Variants in LARP1B observed in about 807,000 individuals in gnomAD.
LARP1B encodes La ribonucleoprotein 1B.
LARP1B carries 76 observed loss-of-function variants against 114.2 expected under a neutral mutation model. The observed-to-expected ratio is 0.67, with a 90% confidence interval of 0.55 to 0.81. The LOEUF (loss-of-function observed/expected upper bound fraction) is 0.81. Ranked by LOEUF, LARP1B falls within the 30% of genes least tolerant of loss-of-function variation. The pLI, the probability that LARP1B is intolerant of heterozygous loss-of-function variation, is 0.00. For synonymous variants in LARP1B, 345 were observed against 348.0 expected, an observed-to-expected ratio of 0.99 and a Z score of 0.10; for missense variants, 1,014 against 1,075.8, an observed-to-expected ratio of 0.94 and a Z score of 0.80.
At chr4:128,130,195 T>C (rs995626402) in intron 11 of LARP1B, among the ~76,000 whole-genome samples, 1 of 151,958 alleles carries the variant, frequency 6.6e-6, no homozygotes, top group African/African-American at 2.4e-5. Context: ...TACGAAAAAT[T>C]TTTTTAAAAA....
At chr4:128,067,316 A>G (rs557185445) in intron 1 of LARP1B, among the ~76,000 whole-genome samples, 6 of 152,332 alleles carry the variant, frequency 3.9e-5, no homozygotes, top group South Asian at 4.1e-4. Context: ...AATCAGGTCT[A>G]TCCTGCTCAA....
At chr4:128,222,504 A>G (rs1760099745) in exon 8 of LARP1B, 1 of 376,680 alleles carries the variant, frequency 2.7e-6, no homozygotes, top group African/African-American at 2.1e-5. Context: ...CTTGCATCTT[A>G]CAAACCATAT....
At chr4:128,202,143 A>G (rs1756163207) in intron 17 of LARP1B, among the ~76,000 whole-genome samples, 1 of 152,162 alleles carries the variant, frequency 6.6e-6, no homozygotes, top group Non-Finnish European at 1.5e-5. Context: ...TCTCTAATCA[A>G]TCCCAGTTAT....
rs1345151909 is a variant in LARP1B at position 128,209,709 on chromosome 4, T to A, written c.2548-147T>A. Reference sequence around the variant, plus strand: ...CTGCACTCCAGCCTGGGTGACAGAATGAGACTCCATCAAAAAAAAAAAAAA... The same window carrying A: ...CTGCACTCCAGCCTGGGTGACAGAAAGAGACTCCATCAAAAAAAAAAAAAA... On this transcript the variant is annotated intron_variant, in intron 19 of 19. Coordinates refer to ENST00000326639, the MANE Select transcript of LARP1B (RefSeq NM_018078.4). 6.8e-6 allele frequency: 4 copies of A among 585,434 alleles called. No homozygotes were observed. The East Asian group carries it at 1.2e-4, about 17-fold the overall frequency. The allele number at this position is 585,434 out of a possible 1,614,324, so 36.3% of individuals were successfully genotyped here.
At chr4:128,067,165 G>A (rs1763306905) in intron 1 of LARP1B, among the ~76,000 whole-genome samples, 1 of 152,046 alleles carries the variant, frequency 6.6e-6, no homozygotes, top group Non-Finnish European at 1.5e-5. Context: ...AGGACCAGAA[G>A]TTGTTTAAAG....
intron 1 of LARP1B, among the ~76,000 whole-genome samples, chr4:128,063,061 A>G (rs972630475): frequency 6.6e-6 from 1 of 152,288 alleles, no homozygotes; most frequent in South Asian, 2.1e-4. Context: ...AGATTATGCC[A>G]CTATATTTGA....
intron 11 of LARP1B, chr4:128,122,475 G>A (rs781688052): frequency 7.7e-7 from 1 of 1,293,902 alleles, no homozygotes; most frequent in Non-Finnish European, 1.0e-6. Flanking sequence ...TTTTGTTTTT[G>A]TTTTAGGTGA....
Position 128,179,411 on chromosome 4 carries a change from A to G in LARP1B, c.1902A>G (p.Pro634=). Residue 634 remains proline (P), a synonymous_variant, in exon 15 of 20, where the codon CCA becomes CCG. Coordinates refer to ENST00000326639, the MANE Select transcript of LARP1B (RefSeq NM_018078.4). ...CTTGACTTTATTTTCTTTAGAGTCC[A>G]AGAAAGAGAAAAACAAGGCATAGCA... The part of the protein sequence containing the change: ...KEPKAIDVKS[P]RKRKTRHSTN... 1 of 1,601,574 alleles carries G rather than the reference A, an allele frequency of 6.2e-7. No homozygotes were observed. The highest frequency in any genetic ancestry group is 8.5e-7 in the Non-Finnish European group (1 of 1,174,954).
Position 128,098,264 on chromosome 4 carries a change from T to G in LARP1B, c.747T>G (p.Pro249=). Residue 249 remains proline (P), a synonymous_variant, in exon 8 of 20, where the codon CCT becomes CCG. Coordinates refer to ENST00000326639, the MANE Select transcript of LARP1B (RefSeq NM_018078.4). The stretch of plus-strand genomic sequence containing the variant: ...AGATGGATGAACAAGGTTTCTTGCC[T>G]ATTTCCCTGATTGCTGGTTTTCAGC... ...RGKMDEQGFL[P]ISLIAGFQRV... is the part of the protein sequence containing the mutation. The G allele has an allele frequency of 6.2e-7, 1 of 1,613,984 alleles. No homozygotes were observed. The highest frequency in any genetic ancestry group is 1.3e-5 in the African/African-American group (1 of 75,050).
intron 11 of LARP1B, chr4:128,155,798 C>T: frequency 6.3e-7 from 1 of 1,589,180 alleles, no homozygotes. Flanking sequence ...CAGGCGGAGA[C>T]TGATAAACTG....
Position 128,091,024 on chromosome 4 carries a change from AGG to A in LARP1B, c.384_385del (p.Asp129Ter). 6.2e-7 allele frequency: 1 copy of A among 1,611,782 alleles called. No homozygotes were observed. The highest frequency in any genetic ancestry group is 8.5e-7 in the Non-Finnish European group (1 of 1,178,550). On this transcript the variant is annotated frameshift_variant, in exon 6 of 20. Transcript: ENST00000326639. LOFTEE classifies it high-confidence loss of function. ...AGGTTGGAAGCGAGATAGAGAAAAA[AGG>A]GATGATCAAGATGACGTTTCCAGTG... ...TRSWKRDREKRDDQDDVSSVR... is the reference protein window; with the variant it reads ...TRSWKRDREKXDDQDDVSSVR...
Position 128,200,671 on chromosome 4 carries a change from A to C in LARP1B, c.2309+6A>C. 3 of 1,565,174 alleles carry C rather than the reference A, an allele frequency of 1.9e-6. No homozygotes were observed. Among genetic ancestry groups the C allele is most frequent in the Non-Finnish European group, 2.6e-6 (3 of 1,156,122 alleles). The stretch of plus-strand genomic sequence containing the variant: ...GATGCAAAAGAAAATTACAGGTCAG[A>C]TATTTTCTTTTACACTTCAAGGGAG... On this transcript the variant is annotated splice_donor_region_variant and intron_variant, in intron 17 of 19. Coordinates refer to ENST00000326639, the MANE Select transcript of LARP1B (RefSeq NM_018078.4).
chr4:128,139,404 G>C (rs115906994), intron 11 of LARP1B, among the ~76,000 whole-genome samples: 3,625 of 152,132 alleles, frequency 0.024, 127 homozygotes, highest in African/African-American at 0.083. Flanking sequence ...AAGGCAGGAG[G>C]ATCCCTTGAG....
chr4:128,094,946 C>T (rs1031237133), intron 7 of LARP1B, among the ~76,000 whole-genome samples: 3 of 151,604 alleles, frequency 2.0e-5, no homozygotes, highest in Non-Finnish European at 2.9e-5. Context: ...AGTCGGGGTT[C>T]CACCATGTTG....
At chr4:128,123,247 C>T (rs773548652) in intron 11 of LARP1B, 68 of 985,240 alleles carry the variant, frequency 6.9e-5, no homozygotes, top group South Asian at 1.4e-4. Flanking sequence ...TAGCTTGTTA[C>T]GTGACTTAGA....
At chr4:128,097,428 C>T (rs907240796) in intron 7 of LARP1B, among the ~76,000 whole-genome samples, 1 of 151,838 alleles carries the variant, frequency 6.6e-6, no homozygotes, top group African/African-American at 2.4e-5. Context: ...CTGCCTCAGC[C>T]TCCTGAGTAG....
intron 1 of LARP1B, among the ~76,000 whole-genome samples, chr4:128,062,803 T>C (rs1044125103): frequency 1.1e-4 from 16 of 148,132 alleles, no homozygotes; most frequent in African/African-American, 2.0e-4. Context: ...TTAGGAGATA[T>C]ACCTAATGTT....
intron 11 of LARP1B, among the ~76,000 whole-genome samples, chr4:128,153,285 G>A (rs1733757682): frequency 7.0e-6 from 1 of 143,472 alleles, no homozygotes; most frequent in South Asian, 2.3e-4. Flanking sequence ...GCCTGGCCTT[G>A]GTTTGCCATT....
At chr4:128,107,940 A>G in intron 9 of LARP1B, 1 of 1,535,112 alleles carries the variant, frequency 6.5e-7, no homozygotes, top group Non-Finnish European at 8.7e-7. Flanking sequence ...ATGCAGTGGA[A>G]TAGGTGACTC....
Sources: allele counts gnomAD v4.1 joint callset (sites outside exome capture counted in the v4.1 genomes callset), GRCh38; gene constraint gnomAD v4.1.1; transcripts MANE v1.5; gene names NCBI Gene and HGNC (gene_info 2026-07-23, HGNC 2026-07-21).